PTPRB: variants seen among roughly 807,000 people sequenced by gnomAD.
The protein encoded by PTPRB is receptor-type tyrosine-protein phosphatase beta.
In PTPRB, 97 loss-of-function variants were observed where a neutral mutation model predicts 238.1. The ratio of observed to expected loss-of-function variants is 0.41; its 90% CI spans 0.35 to 0.48. PTPRB has a LOEUF of 0.48. Ranked by LOEUF, PTPRB falls within the 20% of genes least tolerant of loss-of-function variation. PTPRB has a pLI of 0.30. For missense variants in PTPRB, 2,292 were observed against 2,681.9 expected, an observed-to-expected ratio of 0.85 and a Z score of 3.21; for synonymous variants, 970 against 995.4, an observed-to-expected ratio of 0.97 and a Z score of 0.48.
intron 2 of PTPRB, among the ~76,000 whole-genome samples, chr12:70,627,413 T>C (rs1474035100): frequency 6.6e-6 from 1 of 152,198 alleles, no homozygotes; most frequent in Admixed American, 6.5e-5. Flanking sequence ...AACACAATGA[T>C]TTAATTTGTT....
At chr12:70,524,405 A>G (rs1025408) in intron 33 of PTPRB, 66 bp downstream of exon 33, 491,793 of 1,500,610 alleles carry the variant, frequency 0.33, 83,114 homozygotes, top group East Asian at 0.51. Context: ...GTAAGCCTCT[A>G]TGCCTGGCCA....
At chr12:70,535,897 A>G in intron 29 of PTPRB, 128 bp downstream of exon 29, 1 of 1,141,230 alleles carries the variant, frequency 8.8e-7, no homozygotes, top group Admixed American at 2.2e-5. Flanking sequence ...ACAGAGTGGT[A>G]TAAGTCACTA....
chr12:70,564,234 A>G (rs1878915566), intron 15 of PTPRB, among the ~76,000 whole-genome samples: 1 of 152,202 alleles, frequency 6.6e-6, no homozygotes, highest in African/African-American at 2.4e-5. Context: ...AGTCCCGACC[A>G]GGTGCAGTGG....
intron 27 of PTPRB, 159 bp from the exon 28 acceptor site, chr12:70,538,390 C>CTGAG: frequency 1.7e-6 from 1 of 592,698 alleles, no homozygotes; most frequent in Non-Finnish European, 2.9e-6. Context: ...ACTAACTTGC[C>CTGAG]CCATGTTGCA....
intron 4 of PTPRB, among the ~76,000 whole-genome samples, chr12:70,605,138 T>C (rs1883839508): frequency 6.6e-6 from 1 of 152,222 alleles, no homozygotes; most frequent in Non-Finnish European, 1.5e-5. Flanking sequence ...GGCTGACTAA[T>C]AAGTAGCTGA....
chr12:70,548,380 ACACACG>A (rs756249755), intron 21 of PTPRB, among the ~76,000 whole-genome samples: 9 of 142,368 alleles, frequency 6.3e-5, no homozygotes, highest in Non-Finnish European at 9.2e-5. Context: ...ACACACACAC[ACACACG>A]CCATGACTTT....
intron 2 of PTPRB, among the ~76,000 whole-genome samples, chr12:70,627,842 A>G (rs1201244326): frequency 2.0e-5 from 3 of 152,214 alleles, no homozygotes; most frequent in Non-Finnish European, 2.9e-5. Flanking sequence ...GGGTTTGTAT[A>G]CACAAAAGGC....
chr12:70,524,479 T>C lies in PTPRB; in HGVS notation c.6617A>G (p.Tyr2206Cys), dbSNP rs959414997. 2.5e-6 allele frequency: 4 copies of C among 1,609,026 alleles called. No homozygotes were observed. In the African/African-American group the frequency reaches 5.3e-5, roughly 21 times the overall value. Residue 2206 changes from tyrosine (Y) to cysteine (C), a missense_variant, in exon 33 of 34, where the codon TAT becomes TGT. Transcript: ENST00000334414. Reference sequence around the variant, plus strand: ...GTGAAGTAAGTGCCCACCTCTGTGATACTCTGGATTCACATTTTCATAGAT... The same window carrying C: ...GTGAAGTAAGTGCCCACCTCTGTGACACTCTGGATTCACATTTTCATAGAT... ...FPIYENVNPE[Y>C]HRDPVYSRH
chr12:70,561,996 G>A (rs1183874491), intron 16 of PTPRB, among the ~76,000 whole-genome samples: 11 of 152,242 alleles, frequency 7.2e-5, no homozygotes, highest in Admixed American at 4.6e-4. Context: ...TGGGCTGACC[G>A]TGGTGGCTCA....
At chr12:70,628,358 G>T (rs772707394) in intron 2 of PTPRB, among the ~76,000 whole-genome samples, 6 of 152,170 alleles carry the variant, frequency 3.9e-5, no homozygotes, top group Non-Finnish European at 7.3e-5. Flanking sequence ...CAATTGACTA[G>T]CTTTTTATAA....
intron 5 of PTPRB, 72 bp from the exon 6 acceptor site, chr12:70,594,796 G>T: frequency 6.5e-7 from 1 of 1,529,726 alleles, no homozygotes; most frequent in Non-Finnish European, 8.9e-7. Context: ...CATTTAATTA[G>T]AAGTCACATA....
chr12:70,572,788 A>G (rs1172806897), intron 11 of PTPRB, among the ~76,000 whole-genome samples: 4 of 151,592 alleles, frequency 2.6e-5, no homozygotes, highest in East Asian at 1.9e-4. Context: ...AAAAAAAAAA[A>G]AAAAGAAAAG....
In PTPRB at chr12:70,521,473, C is replaced by T; in HGVS notation, c.*16G>A. 2.0e-6 allele frequency: 3 copies of T among 1,529,096 alleles called. No individual in the cohort carries two copies. The highest frequency in any genetic ancestry group is 2.6e-6 in the Non-Finnish European group (3 of 1,136,764). The allele number at this position is 1,529,096 out of a possible 1,614,324, so 94.7% of individuals were successfully genotyped here. ...ACAGTGAATAATTTTTATCCAGGAG[C>T]TCTTCAGGTACATTCTCAATGCCTT... On this transcript the variant is annotated 3_prime_UTR_variant, in exon 34 of 34. Transcript: ENST00000334414.
chr12:70,527,542 A>T (rs1359793894), intron 32 of PTPRB: 2 of 152,144 alleles, frequency 1.3e-5, no homozygotes, highest in African/African-American at 4.8e-5. Context: ...GACTGTGACT[A>T]TCATCTATTG....
intron 13 of PTPRB, 36 bp from the exon 14 acceptor site, chr12:70,569,974 G>T (rs1166479381): frequency 6.5e-7 from 1 of 1,549,264 alleles, no homozygotes; most frequent in East Asian, 2.3e-5. Context: ...TCATCACTTA[G>T]AGAATGAACT....
chr12:70,544,468 T>A (rs1875656199), intron 22 of PTPRB, 89 bp downstream of exon 22: 1 of 873,600 alleles, frequency 1.1e-6, no homozygotes, highest in Non-Finnish European at 1.8e-6. Flanking sequence ...AAATAAATGT[T>A]CCCCCCACCA....
intron 21 of PTPRB, among the ~76,000 whole-genome samples, chr12:70,546,519 G>A (rs1160762700): frequency 6.6e-6 from 1 of 152,198 alleles, no homozygotes; most frequent in Non-Finnish European, 1.5e-5. Flanking sequence ...GATCATTTGA[G>A]TGACTGACCT....
At chr12:70,530,248 T>G (rs1872997370) in intron 32 of PTPRB, among the ~76,000 whole-genome samples, 1 of 152,116 alleles carries the variant, frequency 6.6e-6, no homozygotes, top group Non-Finnish European at 1.5e-5. Flanking sequence ...TAGGTGAGAT[T>G]TAGGAATAAC....
chr12:70,628,405 C>G (rs1885300669), intron 2 of PTPRB, among the ~76,000 whole-genome samples: 1 of 152,162 alleles, frequency 6.6e-6, no homozygotes, highest in African/African-American at 2.4e-5. Flanking sequence ...AAAAGTTATC[C>G]AAACCATGGA....
Sources: gnomAD v4.1 joint callset for allele counts (sites outside exome capture counted in the v4.1 genomes callset) on GRCh38, gnomAD v4.1.1 for gene constraint, MANE v1.5 for transcripts, NCBI Gene and HGNC (gene_info 2026-07-23, HGNC 2026-07-21) for gene names.